The following ANK2 variants were observed in gnomAD, a reference collection of about 807,000 sequenced individuals.
ANK2 encodes the protein ankyrin-2.
ANK2 carries 83 observed loss-of-function variants against 360.5 expected under a neutral mutation model. The ratio of observed to expected loss-of-function variants is 0.23; its 90% CI spans 0.19 to 0.28. The LOEUF (loss-of-function observed/expected upper bound fraction) is 0.28. Among genes scored for constraint, ANK2 ranks in the 10% least tolerant of loss-of-function variants. The probability of loss-of-function intolerance (pLI) is 1.00; values close to 1 mark genes in which losing one functional copy is unlikely to be tolerated. For synonymous variants in ANK2, 1,740 were observed against 1,759.5 expected, an observed-to-expected ratio of 0.99 and a Z score of 0.28; for missense variants, 4,201 against 4,795.7, an observed-to-expected ratio of 0.88 and a Z score of 3.66.
At chr4:112,918,250 T>A (rs747253473) in intron 2 of ANK2, among the ~76,000 whole-genome samples, 9 of 152,130 alleles carry the variant, frequency 5.9e-5, no homozygotes, top group Non-Finnish European at 1.0e-4. Context: ...ACTAGCGTGC[T>A]CCTGAGGTGA....
chr4:113,259,923 CA>C (rs2051793404), intron 13 of ANK2, among the ~76,000 whole-genome samples: 1 of 148,522 alleles, frequency 6.7e-6, no homozygotes, highest in Admixed American at 6.7e-5. Flanking sequence ...AGCAAACAAA[CA>C]AAAAACCGCT....
chr4:113,125,031 G>C (rs139909271), intron 1 of ANK2, among the ~76,000 whole-genome samples: 1 of 152,086 alleles, frequency 6.6e-6, no homozygotes, highest in East Asian at 1.9e-4. Flanking sequence ...CAATTTATTT[G>C]GTTAAGACTA....
chr4:112,731,012 C>G, the ANK2 span, among the ~76,000 whole-genome samples: 5 of 151,722 alleles, frequency 3.3e-5, no homozygotes, highest in African/African-American at 4.8e-5. Flanking sequence ...CATGGTGGCC[C>G]GTGCCTGTGG....
chr4:112,789,890 T>G, the ANK2 span, among the ~76,000 whole-genome samples: 1 of 152,224 alleles, frequency 6.6e-6, no homozygotes, highest in Non-Finnish European at 1.5e-5. Flanking sequence ...ACCTTATATC[T>G]GTTAGGATGG....
At chr4:113,308,661 A>C (rs1563628389) in intron 23 of ANK2, among the ~76,000 whole-genome samples, 1 of 152,242 alleles carries the variant, frequency 6.6e-6, no homozygotes, top group South Asian at 2.1e-4. Flanking sequence ...TAATTGCTGA[A>C]ATTAGCAAGC....
At chr4:113,235,821 A>C (rs1408217482) in intron 5 of ANK2, among the ~76,000 whole-genome samples, 1 of 147,996 alleles carries the variant, frequency 6.8e-6, no homozygotes, top group Non-Finnish European at 1.5e-5. Flanking sequence ...GGCTCACTGC[A>C]AGCTCTGCCT....
intron 1 of ANK2, among the ~76,000 whole-genome samples, chr4:112,898,231 A>G (rs2082280357): frequency 2.0e-5 from 3 of 152,200 alleles, no homozygotes; most frequent in African/African-American, 7.2e-5. Flanking sequence ...TGTTATTATT[A>G]ACTAAAGTCC....
At chr4:113,288,813 C>T (rs1022473468) in intron 20 of ANK2, among the ~76,000 whole-genome samples, 1 of 151,998 alleles carries the variant, frequency 6.6e-6, no homozygotes, top group Non-Finnish European at 1.5e-5. Flanking sequence ...AGTGGCTTGG[C>T]CCCCCTCCCC....
chr4:112,921,052 CT>C (rs1197480851), intron 2 of ANK2, among the ~76,000 whole-genome samples: 336 of 135,098 alleles, frequency 2.5e-3, no homozygotes, highest in African/African-American at 2.8e-3. Flanking sequence ...TTCTTTTTCT[CT>C]TTTTTTTTTT....
At chr4:112,931,410 C>A (rs2093210660) in intron 2 of ANK2, among the ~76,000 whole-genome samples, 1 of 150,244 alleles carries the variant, frequency 6.7e-6, no homozygotes, top group Admixed American at 6.6e-5. Flanking sequence ...ATTTTACGTA[C>A]CTTTCAAAGA....
Position 112,863,147 on chromosome 4 carries a change from G to T in ANK2, c.-39-41308G>T, listed in dbSNP as rs115412905. On this transcript the variant is annotated intron_variant, in intron 1 of 30. Coordinates refer to the ANK2 transcript ENST00000503271. ...GCTGTATTTTTTTCTTTGAAAAAATGATTTCTAAGATATTTTAATTTAAGT... is the reference window on the plus strand; with the variant it reads ...GCTGTATTTTTTTCTTTGAAAAAATTATTTCTAAGATATTTTAATTTAAGT... Among the ~76,000 whole-genome samples, 701 of 152,168 alleles carry T rather than the reference G, an allele frequency of 4.6e-3. 6 individuals are homozygous for T. The highest frequency in any genetic ancestry group is 0.015 in the African/African-American group (633 of 41,510).
intron 2 of ANK2, among the ~76,000 whole-genome samples, chr4:112,926,702 T>C (rs1419912348): frequency 1.3e-5 from 2 of 152,210 alleles, no homozygotes; most frequent in Non-Finnish European, 2.9e-5. Flanking sequence ...CTAATACACT[T>C]TGTCAAGCAG....
upstream of ANK2, among the ~76,000 whole-genome samples, chr4:112,814,941 A>G (rs971878050): frequency 1.3e-5 from 2 of 152,122 alleles, no homozygotes; most frequent in African/African-American, 4.8e-5. Flanking sequence ...GAACAGTGCT[A>G]TTTTTAAATT....
chr4:113,381,771 G>T lies in ANK2; in HGVS notation c.*300G>T. 22 of 993,584 alleles carry T rather than the reference G, an allele frequency of 2.2e-5. No individual in the cohort carries two copies. In the South Asian group the frequency reaches 3.3e-4, roughly 15 times the overall value. 61.5% of individuals were successfully genotyped at this position (993,584 alleles called of 1,614,324 possible). On this transcript the variant is annotated 3_prime_UTR_variant, in exon 46 of 46. Coordinates refer to ENST00000357077, the MANE Select transcript of ANK2 (RefSeq NM_001148.6). ...CATTTCCACTGTTAGCAAATATACGGCATTTTGCTTTAGTTTTCCCCCATC... is the reference window on the plus strand; with the variant it reads ...CATTTCCACTGTTAGCAAATATACGTCATTTTGCTTTAGTTTTCCCCCATC...
At chr4:113,157,384 A>G (rs1013489040) in intron 1 of ANK2, among the ~76,000 whole-genome samples, 13 of 152,178 alleles carry the variant, frequency 8.5e-5, no homozygotes, top group African/African-American at 3.1e-4. Flanking sequence ...GAAGCCTACC[A>G]TTGCTGTGAA....
the ANK2 span, among the ~76,000 whole-genome samples, chr4:112,781,827 A>ATT: frequency 0.27 from 33,136 of 124,496 alleles, 4,795 homozygotes; most frequent in East Asian, 0.32. Context: ...TGATAACAGT[A>ATT]TTTTTTTTTT....
At chr4:113,315,896 C>CAAAAAAAAAAAAAAAAAAAAAAAAAA in intron 24 of ANK2, among the ~76,000 whole-genome samples, 1 of 49,316 alleles carries the variant, frequency 2.0e-5, no homozygotes, top group Non-Finnish European at 4.5e-5. Flanking sequence ...GACTCCGTCT[C>CAAAAAAAAAAAAAAAAAAAAAAAAAA]AAAAAAAAAA....
intron 23 of ANK2, among the ~76,000 whole-genome samples, chr4:113,303,718 A>G (rs1048973398): frequency 3.9e-5 from 6 of 152,234 alleles, no homozygotes; most frequent in African/African-American, 1.4e-4. Flanking sequence ...GATAGAAAAA[A>G]GAAAGAAAAA....
chr4:112,965,999 A>T (rs1440026211), intron 2 of ANK2, among the ~76,000 whole-genome samples: 13 of 151,898 alleles, frequency 8.6e-5, no homozygotes. Flanking sequence ...TTTTAATGAT[A>T]CTTTTAAATT....
Sources: gnomAD v4.1 joint callset for allele counts (sites outside exome capture counted in the v4.1 genomes callset) on GRCh38, gnomAD v4.1.1 for gene constraint, MANE v1.5 for transcripts, NCBI Gene and HGNC (gene_info 2026-07-23, HGNC 2026-07-21) for gene names.